TENM4: variants seen among roughly 807,000 people sequenced by gnomAD.
TENM4 encodes teneurin transmembrane protein 4.
In TENM4, 82 loss-of-function variants were observed where a neutral mutation model predicts 243.3. The observed-to-expected ratio is 0.34, with a 90% CI of 0.28 to 0.40. TENM4 has a LOEUF of 0.40. Among genes scored for constraint, TENM4 ranks in the 10% least tolerant of loss-of-function variants. TENM4 has a pLI of 1.00. For missense variants in TENM4, 3,138 were observed against 3,673.3 expected (o/e 0.85, Z 3.77); for synonymous variants, 1,412 against 1,456.3 (o/e 0.97, Z 0.69).
rs1277554096 is a variant in TENM4 at position 79,438,131 on chromosome 11, A to G, written c.-321+2378T>C. ...GGCAAAAACAAAACACTCCCCACCC[A>G]TGCACATCACCATCTCCTGACTGCG... On this transcript the variant is annotated intron_variant, in intron 1 of 33. Coordinates refer to ENST00000278550, the MANE Select transcript of TENM4 (RefSeq NM_001098816.3). The surrounding 1 kb of genome is among the most constrained non-coding windows in gnomAD (Gnocchi z 4.1). Among the ~76,000 whole-genome samples, 2 of 152,032 alleles carry G rather than the reference A, an allele frequency of 1.3e-5. No individual in the cohort carries two copies. Among genetic ancestry groups the G allele is most frequent in the Non-Finnish European group, 2.9e-5 (2 of 68,008 alleles).
chr11:78,872,849 G>A (rs1213691341), intron 9 of TENM4, among the ~76,000 whole-genome samples: 1 of 152,138 alleles, frequency 6.6e-6, no homozygotes, highest in Non-Finnish European at 1.5e-5. Context: ...CATGATCAAA[G>A]TCAATTAGGA....
intron 29 of TENM4, among the ~76,000 whole-genome samples, chr11:78,684,231 T>G (rs1303260944): frequency 6.6e-6 from 1 of 152,246 alleles, no homozygotes; most frequent in East Asian, 1.9e-4. Flanking sequence ...CCAGGCTACT[T>G]CAGCTCAGGT....
chr11:78,797,277 G>A (rs1857180373), intron 15 of TENM4, among the ~76,000 whole-genome samples: 4 of 152,158 alleles, frequency 2.6e-5, no homozygotes, highest in South Asian at 4.1e-4. Context: ...TTTGCTGTTT[G>A]AATAAGTCAT....
At chr11:79,412,240 G>A (rs1015774243) in intron 1 of TENM4, among the ~76,000 whole-genome samples, 6 of 152,226 alleles carry the variant, frequency 3.9e-5, no homozygotes, top group Admixed American at 2.6e-4. Context: ...AGCCTGCCAC[G>A]TAAGGATAAC....
intron 1 of TENM4, among the ~76,000 whole-genome samples, chr11:79,436,237 G>A (rs1025234015): frequency 4.6e-5 from 7 of 152,148 alleles, no homozygotes; most frequent in Non-Finnish European, 7.3e-5. Flanking sequence ...GGTTAAAAGA[G>A]TTTAAAGAGA....
chr11:79,270,863 T>C (rs976094940), intron 2 of TENM4, among the ~76,000 whole-genome samples: 4 of 152,168 alleles, frequency 2.6e-5, no homozygotes, highest in South Asian at 2.1e-4. Context: ...ATTCAGTCCT[T>C]AGCAGAGGGC....
intron 6 of TENM4, among the ~76,000 whole-genome samples, chr11:78,910,032 A>C (rs528173705): frequency 2.0e-5 from 3 of 152,296 alleles, no homozygotes; most frequent in Non-Finnish European, 4.4e-5. Flanking sequence ...ATTCCAGTGG[A>C]GTCTACCACT....
chr11:78,689,096 G>T (rs1858755313), intron 28 of TENM4, among the ~76,000 whole-genome samples: 1 of 151,592 alleles, frequency 6.6e-6, no homozygotes, highest in Non-Finnish European at 1.5e-5. Flanking sequence ...TCTCTTTTTT[G>T]GAGAATCAGA....
chr11:78,947,818 T>C (rs1374946923), intron 6 of TENM4, among the ~76,000 whole-genome samples: 1 of 152,196 alleles, frequency 6.6e-6, no homozygotes, highest in African/African-American at 2.4e-5. Flanking sequence ...CTGGATCCGG[T>C]GCCTTGCTGA....
chr11:78,741,226 G>GCT (rs1382995247), intron 19 of TENM4, among the ~76,000 whole-genome samples: 1 of 152,044 alleles, frequency 6.6e-6, no homozygotes, highest in Non-Finnish European at 1.5e-5. Context: ...TGAGTGCTGG[G>GCT]CTTCCCAATG....
intron 1 of TENM4, among the ~76,000 whole-genome samples, chr11:79,400,099 CCACACACACA>C (rs71050221): frequency 0.056 from 7,897 of 140,632 alleles, 285 homozygotes; most frequent in African/African-American, 0.087. Flanking sequence ...TAAACACACA[CCACACACACA>C]CACACACACA....
intron 19 of TENM4, among the ~76,000 whole-genome samples, chr11:78,749,980 C>T (rs1201120653): frequency 6.6e-6 from 1 of 152,156 alleles, no homozygotes; most frequent in Non-Finnish European, 1.5e-5. Context: ...CTAAGCCCAT[C>T]TTGATTTCAA....
intron 14 of TENM4, 57 bp downstream of exon 14, chr11:78,812,065 T>C: frequency 1.3e-6 from 2 of 1,518,980 alleles, no homozygotes; most frequent in Non-Finnish European, 8.9e-7. Flanking sequence ...CTCTTGGCAC[T>C]ATATGCCAGC....
At chr11:79,222,811 G>C (rs978018660) in intron 2 of TENM4, among the ~76,000 whole-genome samples, 3 of 152,180 alleles carry the variant, frequency 2.0e-5, no homozygotes, top group Admixed American at 2.0e-4. Context: ...TCTTCTAGAA[G>C]TGTCTGTTCA....
At chr11:79,253,088 C>T (rs367698017) in intron 2 of TENM4, among the ~76,000 whole-genome samples, 427 of 152,310 alleles carry the variant, frequency 2.8e-3, no homozygotes, top group African/African-American at 9.1e-3. Flanking sequence ...CAGTGTCACA[C>T]GAAAGTAAAC....
chr11:78,764,581 C>T (rs1303524081), intron 18 of TENM4, among the ~76,000 whole-genome samples: 2 of 152,194 alleles, frequency 1.3e-5, no homozygotes, highest in African/African-American at 2.4e-5. Context: ...CTTGACAGGG[C>T]CCATCAAGGG....
intron 6 of TENM4, among the ~76,000 whole-genome samples, chr11:79,053,057 G>A (rs894663603): frequency 3.9e-5 from 6 of 152,136 alleles, no homozygotes; most frequent in African/African-American, 1.2e-4. Flanking sequence ...TGCTTTCTAG[G>A]AAACTCAGAC....
chr11:78,718,681 A>C (rs1859576269), intron 25 of TENM4, among the ~76,000 whole-genome samples: 1 of 152,238 alleles, frequency 6.6e-6, no homozygotes, highest in Non-Finnish European at 1.5e-5. Context: ...CTGAAGTTGA[A>C]GGCATGGGTC....
chr11:78,862,275 C>A (rs1444238883), intron 10 of TENM4, among the ~76,000 whole-genome samples: 1 of 151,950 alleles, frequency 6.6e-6, no homozygotes, highest in Non-Finnish European at 1.5e-5. Context: ...GTGACTCTGG[C>A]CAAATCACTT....
Sources: gnomAD v4.1 joint callset for allele counts (sites outside exome capture counted in the v4.1 genomes callset) on GRCh38, gnomAD v4.1.1 for gene constraint, Gnocchi (gnomAD v3.1) non-coding constraint, MANE v1.5 for transcripts, NCBI Gene and HGNC (gene_info 2026-07-23, HGNC 2026-07-21) for gene names.